ARSG: variants seen among roughly 807,000 people sequenced by gnomAD.
ARSG encodes arylsulfatase G.
ARSG carries 37 observed loss-of-function variants against 50.5 expected under a neutral mutation model. That is an observed-to-expected ratio of 0.73 (90% CI 0.56 to 0.96). The LOEUF is 0.96. Ranked by LOEUF, ARSG falls within the 50% of genes least tolerant of loss-of-function variation. The pLI, the probability that ARSG is intolerant of heterozygous loss-of-function variation, is 0.00. For synonymous variants in ARSG, 225 were observed against 254.6 expected (o/e 0.88, Z 1.11); for missense variants, 629 against 675.3 (o/e 0.93, Z 0.76).
intron 6 of ARSG, among the ~76,000 whole-genome samples, chr17:68,357,229 A>G (rs1017872060): frequency 1.3e-5 from 2 of 152,206 alleles, no homozygotes; most frequent in Non-Finnish European, 2.9e-5. Context: ...AGTAGCTAAA[A>G]CAACAGTAAC....
At chr17:68,322,159 G>GT (rs1393634871) in intron 2 of ARSG, among the ~76,000 whole-genome samples, 1 of 152,206 alleles carries the variant, frequency 6.6e-6, no homozygotes, top group East Asian at 1.9e-4. Context: ...GAACTGACAT[G>GT]TTTTTTCCAA....
intron 2 of ARSG, among the ~76,000 whole-genome samples, chr17:68,318,090 A>T (rs886829124): frequency 1.8e-5 from 2 of 111,004 alleles, no homozygotes; most frequent in Admixed American, 1.0e-4. Context: ...CAAGAGCGAG[A>T]CTCTGTCTTG....
rs1274812688 is a variant in ARSG, at chr17:68,274,992, CT to C, written c.-552+15567del. On this transcript the variant is annotated intron_variant, in intron 1 of 11. Transcript: ENST00000448504. ...ATGGGGTTTCTCCATGTTGGTCAGG[CT>C]GGTCTCGAACTACTGACCTCAGGTG... Among the ~76,000 whole-genome samples the C allele has an allele frequency of 2.0e-5, 3 of 152,284 alleles. No homozygotes were observed. In the East Asian group the frequency reaches 5.8e-4, roughly 29 times the overall value.
intron 2 of ARSG, among the ~76,000 whole-genome samples, chr17:68,329,050 A>G (rs1391643998): frequency 6.6e-6 from 1 of 152,192 alleles, no homozygotes; most frequent in Admixed American, 6.5e-5. Context: ...CAGATATGAT[A>G]AGGGTTAGGG....
intron 2 of ARSG, among the ~76,000 whole-genome samples, chr17:68,312,173 C>T (rs2076887331): frequency 6.6e-6 from 1 of 152,074 alleles, no homozygotes. Flanking sequence ...ACACCTCCCT[C>T]CTAGCTCTGG....
At chr17:68,442,323 G>T in the ARSG span, among the ~76,000 whole-genome samples, 1 of 151,990 alleles carries the variant, frequency 6.6e-6, no homozygotes, top group Admixed American at 6.6e-5. Context: ...AAATTAGCTG[G>T]GTGTGGTGGT....
intron 9 of ARSG, among the ~76,000 whole-genome samples, chr17:68,387,316 A>G (rs1286104153): frequency 6.6e-6 from 1 of 152,028 alleles, no homozygotes. Context: ...TTTTGTAGGC[A>G]TGGGGACTCT....
intron 2 of ARSG, among the ~76,000 whole-genome samples, chr17:68,326,163 G>C (rs1225005963): frequency 6.6e-6 from 1 of 152,180 alleles, no homozygotes; most frequent in Non-Finnish European, 1.5e-5. Flanking sequence ...CCCTGAACAA[G>C]ATAAAGTCAG....
chr17:68,378,882 C>A lies in ARSG; in HGVS notation c.983-6182C>A, dbSNP rs74605448. Among the ~76,000 whole-genome samples the A allele has an allele frequency of 1.2e-4, 18 of 146,006 alleles. No individual in the cohort carries two copies. The highest frequency in any genetic ancestry group is 4.4e-4 in the African/African-American group (17 of 39,070). On this transcript the variant is annotated intron_variant, in intron 8 of 11. Coordinates refer to ENST00000621439, the MANE Select transcript of ARSG (RefSeq NM_001267727.2). This position sits in a 1 kb window ranked among gnomAD's most constrained non-coding sequence, Gnocchi z 4.4. The stretch of plus-strand genomic sequence containing the variant: ...TATCAGGTTGTTGCATAACCTTTCC[C>A]GCTGGGAAGCAGTCTCTGCATCCTG...
chr17:68,315,361 G>T (rs1411703424), intron 2 of ARSG, among the ~76,000 whole-genome samples: 1 of 152,012 alleles, frequency 6.6e-6, no homozygotes, highest in Non-Finnish European at 1.5e-5. Flanking sequence ...GGGCAACATA[G>T]CAAGACTTCA....
chr17:68,420,078 T>C (rs939008172), intron 11 of ARSG, 111 bp from the exon 12 acceptor site: 23 of 1,250,076 alleles, frequency 1.8e-5, no homozygotes, highest in Non-Finnish European at 2.5e-5. Context: ...CATTGGAACA[T>C]TTGGTTATCT....
At chr17:68,404,476 C>A (rs1458380607) in intron 11 of ARSG, among the ~76,000 whole-genome samples, 1 of 152,150 alleles carries the variant, frequency 6.6e-6, no homozygotes, top group Non-Finnish European at 1.5e-5. Context: ...GATTCTTTTT[C>A]TTTTTCCATT....
At chr17:68,366,568 C>T (rs928374458) in intron 6 of ARSG, among the ~76,000 whole-genome samples, 9 of 151,992 alleles carry the variant, frequency 5.9e-5, no homozygotes, top group Non-Finnish European at 8.8e-5. Flanking sequence ...CATTGCTGTA[C>T]GAAAAAACTA....
At chr17:68,324,407 C>G (rs895645027) in intron 2 of ARSG, among the ~76,000 whole-genome samples, 5 of 152,178 alleles carry the variant, frequency 3.3e-5, no homozygotes, top group Admixed American at 6.5e-5. Context: ...CCTTCCCAGC[C>G]AAAGACTGGC....
At chr17:68,449,608 G>A in the ARSG span, among the ~76,000 whole-genome samples, 2 of 152,090 alleles carry the variant, frequency 1.3e-5, no homozygotes, top group Admixed American at 6.6e-5. Flanking sequence ...TTTAATAGTG[G>A]GTAGTACCCC....
At chr17:68,331,818 G>A (rs1387943079) in intron 2 of ARSG, among the ~76,000 whole-genome samples, 2 of 152,160 alleles carry the variant, frequency 1.3e-5, no homozygotes, top group African/African-American at 2.4e-5. Flanking sequence ...GGCAGGTTCC[G>A]TGATGCCCCC....
intron 2 of ARSG, among the ~76,000 whole-genome samples, chr17:68,311,833 C>G (rs1177125840): frequency 7.3e-6 from 1 of 136,498 alleles, no homozygotes. Context: ...CGGAGTCTTG[C>G]TCTGTCGCCC....
At chr17:68,390,654 C>T (rs2080947494) in intron 9 of ARSG, among the ~76,000 whole-genome samples, 1 of 151,770 alleles carries the variant, frequency 6.6e-6, no homozygotes, top group South Asian at 2.1e-4. Flanking sequence ...ATGGAATTTC[C>T]CTCTTGTCAC....
intron 9 of ARSG, among the ~76,000 whole-genome samples, chr17:68,385,439 G>A (rs2080664640): frequency 1.3e-5 from 2 of 151,512 alleles, no homozygotes; most frequent in Non-Finnish European, 1.5e-5. Flanking sequence ...TGAGGCAGGA[G>A]GATTGCTGAG....
Sources: gnomAD v4.1 joint callset for allele counts (sites outside exome capture counted in the v4.1 genomes callset) on GRCh38, gnomAD v4.1.1 for gene constraint, Gnocchi (gnomAD v3.1) non-coding constraint, MANE v1.5 for transcripts, NCBI Gene and HGNC (gene_info 2026-07-23, HGNC 2026-07-21) for gene names.